FBXO8: variants seen among roughly 807,000 people sequenced by gnomAD.
FBXO8 encodes the protein F-box only protein 8.
Under a neutral mutation model 33.4 loss-of-function variants are expected in FBXO8, and 15 were observed. The ratio of observed to expected loss-of-function variants is 0.45; its 90% CI spans 0.30 to 0.69. The LOEUF (loss-of-function observed/expected upper bound fraction) is 0.69. Among genes scored for constraint, FBXO8 ranks in the 30% least tolerant of loss-of-function variants. FBXO8 has a pLI of 0.08. For synonymous variants in FBXO8, 132 were observed against 131.5 expected, an observed-to-expected ratio of 1.00 and a Z score of -0.02; for missense variants, 274 against 380.3, an observed-to-expected ratio of 0.72 and a Z score of 2.32.
rs549171707 is a variant in FBXO8, at chr4:174,237,197, C to T, written c.*215G>A. 6.7e-4 allele frequency: 310 copies of T among 464,196 alleles called. 1 individual carries two copies. The highest frequency in any genetic ancestry group is 5.1e-3 in the African/African-American group (266 of 51,920). The allele number at this position is 464,196 out of a possible 1,614,324, so 28.8% of individuals were successfully genotyped here. ...GACAGTGGCTCTGCTTTGTGCAAAA[C>T]GTGATAAACAAAATTAGGAAAAATT... On this transcript the variant is annotated 3_prime_UTR_variant, in exon 6 of 6. Coordinates refer to ENST00000393674, the MANE Select transcript of FBXO8 (RefSeq NM_012180.3). This position sits in a 1 kb window ranked among gnomAD's most constrained non-coding sequence, Gnocchi z 4.4.
chr4:174,260,845 T>G (rs1234620151), intron 2 of FBXO8, among the ~76,000 whole-genome samples: 2 of 152,026 alleles, frequency 1.3e-5, no homozygotes, highest in African/African-American at 2.4e-5. Flanking sequence ...ATCTGATTTG[T>G]TGTGTATTCA....
rs1736903185 is a variant in FBXO8 at position 174,274,317 on chromosome 4, G to T, written c.-9+9093C>A. Among the ~76,000 whole-genome samples, 1 of 152,164 alleles carries T rather than the reference G, an allele frequency of 6.6e-6. No homozygotes were observed. Among genetic ancestry groups the T allele is most frequent in the African/African-American group, 2.4e-5 (1 of 41,430 alleles). ...ACGGATAATAATTCTTATTCCATGG[G>T]ACTTAGTAGGGATAACATTTATGGA... is the stretch of plus-strand genomic sequence containing the variant. On this transcript the variant is annotated intron_variant, in intron 1 of 5. Transcript: ENST00000393674. The surrounding 1 kb of genome is among the most constrained non-coding windows in gnomAD (Gnocchi z 4.0).
rs1312965273 is a variant in FBXO8 at position 174,281,617 on chromosome 4, A to C, written c.-9+1793T>G. Reference sequence around the variant, plus strand: ...GTGGGAGGGAGAATTGCTTGAACCTAGGAGGTCAAGGCTACAGTGAGTCTT... The same window carrying C: ...GTGGGAGGGAGAATTGCTTGAACCTCGGAGGTCAAGGCTACAGTGAGTCTT... On this transcript the variant is annotated intron_variant, in intron 1 of 5. Transcript: ENST00000393674. This position sits in a 1 kb window ranked among gnomAD's most constrained non-coding sequence, Gnocchi z 4.6. Among the ~76,000 whole-genome samples, 1 of 152,084 alleles carries C rather than the reference A, an allele frequency of 6.6e-6. No homozygotes were observed. Among genetic ancestry groups the C allele is most frequent in the Non-Finnish European group, 1.5e-5 (1 of 67,982 alleles).
chr4:174,250,386 C>A (rs1235399609), intron 3 of FBXO8, among the ~76,000 whole-genome samples: 1 of 151,964 alleles, frequency 6.6e-6, no homozygotes, highest in Non-Finnish European at 1.5e-5. Flanking sequence ...AATGTATAAG[C>A]TGGATCAAAT....
chr4:174,261,108 C>A lies in FBXO8; in HGVS notation c.330-1283G>T, dbSNP rs1455948156. Reference sequence around the variant, plus strand: ...TTTACCCACCAAATGAAATCACTGACTCAAAACTGTAAGTATAAAAAATTG... The same window carrying A: ...TTTACCCACCAAATGAAATCACTGAATCAAAACTGTAAGTATAAAAAATTG... On this transcript the variant is annotated intron_variant, in intron 2 of 5. Transcript: ENST00000393674. This position sits in a 1 kb window ranked among gnomAD's most constrained non-coding sequence, Gnocchi z 4.1. Among the ~76,000 whole-genome samples the A allele has an allele frequency of 1.3e-5, 2 of 151,882 alleles. No individual in the cohort carries two copies. Among genetic ancestry groups the A allele is most frequent in the African/African-American group, 4.8e-5 (2 of 41,402 alleles).
At chr4:174,238,930 T>C (rs1477325343) in intron 5 of FBXO8, 64 bp downstream of exon 5, 1 of 1,019,106 alleles carries the variant, frequency 9.8e-7, no homozygotes, top group Admixed American at 3.0e-5. Flanking sequence ...AAATGTCTCA[T>C]ATATCTCTGT....
Position 174,257,361 on chromosome 4 carries a change from C to T in FBXO8, c.456+2338G>A, listed in dbSNP as rs1398188414. ...TTACCATAATCAATATCAGCAATTA[C>T]ATCCAACTTTTCTGACTCTGTAACA... On this transcript the variant is annotated intron_variant, in intron 3 of 5. Coordinates refer to ENST00000393674, the MANE Select transcript of FBXO8 (RefSeq NM_012180.3). The surrounding 1 kb of genome is among the most constrained non-coding windows in gnomAD (Gnocchi z 4.3). Among the ~76,000 whole-genome samples the T allele has an allele frequency of 6.6e-6, 1 of 152,156 alleles. No homozygotes were observed. The highest frequency in any genetic ancestry group is 2.4e-5 in the African/African-American group (1 of 41,444).
chr4:174,268,178 G>C (rs1401179361), intron 1 of FBXO8, among the ~76,000 whole-genome samples: 2 of 152,042 alleles, frequency 1.3e-5, no homozygotes. Context: ...GGAATTACAG[G>C]GTTAGGTTAC....
Position 174,237,638 on chromosome 4 carries a change from T to A in FBXO8, c.773-39A>T. Reference sequence around the variant, plus strand: ...GAAACAGTTCAAATTATTAGTTGGTTTACAAAATATGATTCCAATGGCATT... The same window carrying A: ...GAAACAGTTCAAATTATTAGTTGGTATACAAAATATGATTCCAATGGCATT... On this transcript the variant is annotated intron_variant, in intron 5 of 5. Coordinates refer to ENST00000393674, the MANE Select transcript of FBXO8 (RefSeq NM_012180.3). This position sits in a 1 kb window ranked among gnomAD's most constrained non-coding sequence, Gnocchi z 4.4. 1 of 1,521,964 alleles carries A rather than the reference T, an allele frequency of 6.6e-7. No individual in the cohort carries two copies. The highest frequency in any genetic ancestry group is 8.9e-7 in the Non-Finnish European group (1 of 1,120,112). The allele number at this position is 1,521,964 out of a possible 1,614,324, so 94.3% of individuals were successfully genotyped here. A position where few individuals can be genotyped will look rare whatever the true frequency, so the allele number is the denominator to read the frequency against.
Position 174,267,942 on chromosome 4 carries a change from T to C in FBXO8, c.-8-4842A>G, listed in dbSNP as rs545241430. On this transcript the variant is annotated intron_variant, in intron 1 of 5. Coordinates refer to ENST00000393674, the MANE Select transcript of FBXO8 (RefSeq NM_012180.3). The surrounding 1 kb of genome is among the most constrained non-coding windows in gnomAD (Gnocchi z 4.7). ...GAAATCACTAGTTTTGGTGTAAATA[T>C]GGATTTTGTGATGAAACTACAGCTT... Among the ~76,000 whole-genome samples the C allele has an allele frequency of 1.3e-5, 2 of 152,236 alleles. No individual in the cohort carries two copies. Among genetic ancestry groups the C allele is most frequent in the Non-Finnish European group, 2.9e-5 (2 of 68,044 alleles).
rs148158523 is a variant in FBXO8 at position 174,246,871 on chromosome 4, T to C, written c.457-5653A>G. Reference sequence around the variant, plus strand: ...CTTTCTTAGGTCTATCTGGGGAGCATTGGAAAAGAGAGGGCTGATTTGGAT... The same window carrying C: ...CTTTCTTAGGTCTATCTGGGGAGCACTGGAAAAGAGAGGGCTGATTTGGAT... On this transcript the variant is annotated intron_variant, in intron 3 of 5. Coordinates refer to ENST00000393674, the MANE Select transcript of FBXO8 (RefSeq NM_012180.3). Among the ~76,000 whole-genome samples the C allele has an allele frequency of 3.2e-4, 48 of 152,036 alleles. 1 individual carries two copies. The highest frequency in any genetic ancestry group is 2.7e-4 in the African/African-American group (11 of 41,504).
At chr4:174,273,523 T>A (rs1736887452) in intron 1 of FBXO8, among the ~76,000 whole-genome samples, 1 of 152,114 alleles carries the variant, frequency 6.6e-6, no homozygotes. Flanking sequence ...GTATCAATGT[T>A]AAATTTCCTA....
Position 174,259,788 on chromosome 4 carries a change from T to A in FBXO8, c.367A>T (p.Asn123Tyr), listed in dbSNP as rs1579028880. The A allele has an allele frequency of 6.2e-7, 1 of 1,610,942 alleles. No individual in the cohort carries two copies. Among genetic ancestry groups the A allele is most frequent in the Non-Finnish European group, 8.5e-7 (1 of 1,178,584 alleles). The part of the protein sequence containing the change: ...KSTWGHCSIY[N>Y]KNPPLGFSFR... ...GAAAATCCTAAAGGTGGGTTCTTAT[T>A]GTATATGGAACAGTGACCCCAAGTG... Residue 123 changes from asparagine to tyrosine, a missense_variant, in exon 3 of 6, where the codon AAT becomes TAT. By Grantham distance (143) the Asn-to-Tyr change is moderately radical (BLOSUM62 -2). This residue lies in a region of FBXO8 where 186 missense variants were observed against 293.4 expected (regional missense o/e 0.63). Transcript: ENST00000393674. This position sits in a 1 kb window ranked among gnomAD's most constrained non-coding sequence, Gnocchi z 4.3.
chr4:174,268,719 A>AG (rs760769390), intron 1 of FBXO8, among the ~76,000 whole-genome samples: 4 of 152,190 alleles, frequency 2.6e-5, no homozygotes, highest in Non-Finnish European at 5.9e-5. Context: ...TACAGGCGTG[A>AG]GCCACCGCGC....
chr4:174,275,018 G>A lies in FBXO8; in HGVS notation c.-9+8392C>T, dbSNP rs982263965. ...TTGGAAGATGAAAGGAAAGCCTACA[G>A]ATTGAGAGAAAATATTTGTAAACCA... On this transcript the variant is annotated intron_variant, in intron 1 of 5. Coordinates refer to ENST00000393674, the MANE Select transcript of FBXO8 (RefSeq NM_012180.3). The surrounding 1 kb of genome is among the most constrained non-coding windows in gnomAD (Gnocchi z 4.4). Among the ~76,000 whole-genome samples the A allele has an allele frequency of 3.3e-5, 5 of 152,052 alleles. No homozygotes were observed. Among genetic ancestry groups the A allele is most frequent in the African/African-American group, 1.2e-4 (5 of 41,426 alleles).
In FBXO8 at chr4:174,245,988, T is replaced by C. The variant is rs1736149026; in HGVS notation, c.457-4770A>G. ...TTTAGACATGTTGAATTTTAGGTGA[T>C]GACAGATATAACTAGAAAGGCATAG... On this transcript the variant is annotated intron_variant, in intron 3 of 5. Coordinates refer to ENST00000393674, the MANE Select transcript of FBXO8 (RefSeq NM_012180.3). This position sits in a 1 kb window ranked among gnomAD's most constrained non-coding sequence, Gnocchi z 4.6. Among the ~76,000 whole-genome samples, 2 of 151,960 alleles carry C rather than the reference T, an allele frequency of 1.3e-5. No individual in the cohort carries two copies. Among genetic ancestry groups the C allele is most frequent in the South Asian group, 4.1e-4 (2 of 4,832 alleles).
chr4:174,271,871 A>G lies in FBXO8; in HGVS notation c.-8-8771T>C, dbSNP rs1736844392. On this transcript the variant is annotated intron_variant, in intron 1 of 5. Transcript: ENST00000393674. ...TTTTAATCTTAATTTAAATAGATAT[A>G]AAATCTTATATATATTATGTATTTG... is the stretch of plus-strand genomic sequence containing the variant. 3.9e-5 allele frequency among the ~76,000 whole-genome samples: 6 copies of G among 152,194 alleles called. No individual in the cohort carries two copies. In the South Asian group the frequency reaches 1.2e-3, roughly 31 times the overall value.
chr4:174,255,903 A>G lies in FBXO8; in HGVS notation c.456+3796T>C. On this transcript the variant is annotated intron_variant, in intron 3 of 5. Transcript: ENST00000393674. This position sits in a 1 kb window ranked among gnomAD's most constrained non-coding sequence, Gnocchi z 4.3. ...AATGTAAACAGATGGTTTTCAGCAC[A>G]TTCCTTTACTAGAATGTGGCCACCT... 1 of 260,642 alleles carries G rather than the reference A, an allele frequency of 3.8e-6. No individual in the cohort carries two copies. The highest frequency in any genetic ancestry group is 8.2e-5 in the East Asian group (1 of 12,170). 16.1% of individuals were successfully genotyped at this position (260,642 alleles called of 1,614,324 possible). A position where few individuals can be genotyped will look rare whatever the true frequency, so the allele number is the denominator to read the frequency against.
rs913404684 is a variant in FBXO8 at position 174,257,040 on chromosome 4, G to T, written c.456+2659C>A. ...AAATCCCCTCCCTTAACAAACATTT[G>T]ACTTATAATTTTAAAAAATTATGTC... On this transcript the variant is annotated intron_variant, in intron 3 of 5. Coordinates refer to ENST00000393674, the MANE Select transcript of FBXO8 (RefSeq NM_012180.3). The surrounding 1 kb of genome is among the most constrained non-coding windows in gnomAD (Gnocchi z 4.3). 6.6e-6 allele frequency among the ~76,000 whole-genome samples: 1 copy of T among 151,914 alleles called. No individual in the cohort carries two copies. Among genetic ancestry groups the T allele is most frequent in the African/African-American group, 2.4e-5 (1 of 41,378 alleles).
Sources: gnomAD v4.1 joint callset for allele counts (sites outside exome capture counted in the v4.1 genomes callset) on GRCh38, gnomAD v4.1.1 for gene constraint, gnomAD v4.1.1 regional missense constraint, Gnocchi (gnomAD v3.1) non-coding constraint, MANE v1.5 for transcripts, NCBI Gene and HGNC (gene_info 2026-07-23, HGNC 2026-07-21) for gene names.